The following OR2C3 variants were observed in gnomAD, a reference collection of about 807,000 sequenced individuals.
OR2C3 encodes olfactory receptor family 2 subfamily C member 3.
For missense variants in OR2C3, 425 were observed against 401.5 expected, an observed-to-expected ratio of 1.06 and a Z score of -0.50; for synonymous variants, 178 against 163.4, an observed-to-expected ratio of 1.09 and a Z score of -0.68.
At chr1:247,535,996 A>G (rs1667203368) in intron 1 of OR2C3, among the ~76,000 whole-genome samples, 172 bp downstream of exon 1, 3 of 152,234 alleles carry the variant, frequency 2.0e-5, no homozygotes, top group African/African-American at 7.2e-5. Flanking sequence ...ATCGCAGAAC[A>G]TAGGCAAGCT....
At position 247,536,417 on chromosome 1, in the gene OR2C3, G is replaced by A. The variant is rs1006412705; in HGVS notation, c.-651C>T. ...CATTATTAAGTATTTAAATCACAAT[G>A]GGATTGAACTAGCAGAAAGCACTTA... On this transcript the variant is annotated 5_prime_UTR_variant, in exon 1 of 3. Coordinates refer to ENST00000641802, the MANE Select transcript of OR2C3 (RefSeq NM_198074.6). The A allele has an allele frequency of 1.3e-5, 2 of 152,190 alleles. No homozygotes were observed. The highest frequency in any genetic ancestry group is 2.1e-4 in the South Asian group (1 of 4,830). 9.4% of individuals were successfully genotyped at this position (152,190 alleles called of 1,614,324 possible).
intron 1 of OR2C3, among the ~76,000 whole-genome samples, chr1:247,534,376 C>T (rs1398487189): frequency 6.6e-6 from 1 of 152,030 alleles, no homozygotes; most frequent in African/African-American, 2.4e-5. Flanking sequence ...AGAGGCAGGA[C>T]TAGAGTAATA....
chr1:247,532,450 C>G lies in OR2C3; in HGVS notation c.62G>C (p.Arg21Pro), dbSNP rs201316551. Residue 21 changes from arginine to proline, a missense_variant, in exon 3 of 3, where the codon CGA becomes CCA. Arg to Pro is a moderately radical substitution (Grantham distance 103). Transcript: ENST00000641802. ...EVFVLLGFST[R>P]PSLETVLFIV... ...GAAGAGGACAGTTTCTAGTGAGGGTCGTGTGGAGAAGCCCAGGAGGACAAA... is the reference window on the plus strand; with the variant it reads ...GAAGAGGACAGTTTCTAGTGAGGGTGGTGTGGAGAAGCCCAGGAGGACAAA... The G allele has an allele frequency of 2.5e-6, 4 of 1,613,792 alleles. No homozygotes were observed. Among genetic ancestry groups the G allele is most frequent in the Non-Finnish European group, 3.4e-6 (4 of 1,179,762 alleles).
chr1:247,526,725 AAG>A lies in OR2C3; in HGVS notation c.*4822_*4823del. On this transcript the variant is annotated 3_prime_UTR_variant, in exon 3 of 3. Transcript: ENST00000641802. The surrounding 1 kb of genome is among the most constrained non-coding windows in gnomAD (Gnocchi z 4.8). ...TGATCCAGGTTTTCTGTCCTGTGAG[AAG>A]CCATCAAAGCCTATGGTTGCTGCAA... is the stretch of plus-strand genomic sequence containing the variant. 2 of 356,124 alleles carry A rather than the reference AAG, an allele frequency of 5.6e-6. No homozygotes were observed. Among genetic ancestry groups the A allele is most frequent in the South Asian group, 2.2e-5 (1 of 45,730 alleles). 22.1% of individuals were successfully genotyped at this position (356,124 alleles called of 1,614,324 possible).
rs990628941 is a variant in OR2C3 at position 247,525,353 on chromosome 1, C to T, written c.*6196G>A. ...GTGAGGGCTAAGTCTCATAAGACAT[C>T]CCCGTTTCCAATACCAATTATAAGC... is the stretch of plus-strand genomic sequence containing the variant. On this transcript the variant is annotated 3_prime_UTR_variant, in exon 3 of 3. Coordinates refer to ENST00000641802, the MANE Select transcript of OR2C3 (RefSeq NM_198074.6). The T allele has an allele frequency of 1.3e-5, 2 of 152,204 alleles. No individual in the cohort carries two copies. The highest frequency in any genetic ancestry group is 4.8e-5 in the African/African-American group (2 of 41,454). The allele number at this position is 152,204 out of a possible 1,614,324, so 9.4% of individuals were successfully genotyped here.
At position 247,528,100 on chromosome 1, in the gene OR2C3, A is replaced by G. The variant is rs887275881; in HGVS notation, c.*3449T>C. ...CTAAACTGAGTAAAAAATGTCAGTA[A>G]CTTGATTTCCTACCTTCCTGACTCA... is the stretch of plus-strand genomic sequence containing the variant. On this transcript the variant is annotated 3_prime_UTR_variant, in exon 3 of 3. Coordinates refer to ENST00000641802, the MANE Select transcript of OR2C3 (RefSeq NM_198074.6). The G allele has an allele frequency of 6.6e-5, 10 of 151,950 alleles. No homozygotes were observed. Among genetic ancestry groups the G allele is most frequent in the African/African-American group, 2.4e-4 (10 of 41,340 alleles). The allele number at this position is 151,950 out of a possible 1,614,324, so 9.4% of individuals were successfully genotyped here. A position where few individuals can be genotyped will look rare whatever the true frequency, so the allele number is the denominator to read the frequency against.
At chr1:247,534,499 A>G (rs995030380) in intron 1 of OR2C3, among the ~76,000 whole-genome samples, 3 of 152,240 alleles carry the variant, frequency 2.0e-5, no homozygotes, top group African/African-American at 7.2e-5. Flanking sequence ...GCTTTTGTAC[A>G]GTTGGAATAA....
chr1:247,530,496 C>T lies in OR2C3; in HGVS notation c.*1053G>A, dbSNP rs771418848. 1 of 149,498 alleles carries T rather than the reference C, an allele frequency of 6.7e-6. No individual in the cohort carries two copies. The highest frequency in any genetic ancestry group is 2.2e-4 in the South Asian group (1 of 4,550). The allele number at this position is 149,498 out of a possible 1,614,324, so 9.3% of individuals were successfully genotyped here. A position where few individuals can be genotyped will look rare whatever the true frequency, so the allele number is the denominator to read the frequency against. ...TCCCTTTTCCCCTCCTTCCCTGAAC[C>T]AGTCCACAAACACCATGCCATCCCC... is the stretch of plus-strand genomic sequence containing the variant. On this transcript the variant is annotated 3_prime_UTR_variant, in exon 3 of 3. Coordinates refer to ENST00000641802, the MANE Select transcript of OR2C3 (RefSeq NM_198074.6).
In OR2C3 at chr1:247,530,251, A is replaced by T. The variant is rs1666865190; in HGVS notation, c.*1298T>A. ...CCCATGCCTTTGAATCATCAGGCAG[A>T]GAATGAGGTTACTCTATTGATAGAG... On this transcript the variant is annotated 3_prime_UTR_variant, in exon 3 of 3. Transcript: ENST00000641802. 1 of 152,212 alleles carries T rather than the reference A, an allele frequency of 6.6e-6. No homozygotes were observed. Among genetic ancestry groups the T allele is most frequent in the Non-Finnish European group, 1.5e-5 (1 of 68,040 alleles). 9.4% of individuals were successfully genotyped at this position (152,212 alleles called of 1,614,324 possible). A position where few individuals can be genotyped will look rare whatever the true frequency, so the allele number is the denominator to read the frequency against.
intron 1 of OR2C3, among the ~76,000 whole-genome samples, chr1:247,534,554 G>A (rs564377112): frequency 6.6e-6 from 1 of 152,312 alleles, no homozygotes; most frequent in East Asian, 1.9e-4. Flanking sequence ...TCAGAAACTG[G>A]ACAATTTCAG....
rs1281994498 is a variant in OR2C3 at position 247,529,579 on chromosome 1, T to G, written c.*1970A>C. 6.6e-6 allele frequency: 1 copy of G among 152,198 alleles called. No individual in the cohort carries two copies. Among genetic ancestry groups the G allele is most frequent in the East Asian group, 1.9e-4 (1 of 5,200 alleles). The allele number at this position is 152,198 out of a possible 1,614,324, so 9.4% of individuals were successfully genotyped here. ...ATGAGAGTGTCTCGTACATGATGCA[T>G]AATAATCCAGTTGAAGAATGTTGCT... On this transcript the variant is annotated 3_prime_UTR_variant, in exon 3 of 3. Coordinates refer to ENST00000641802, the MANE Select transcript of OR2C3 (RefSeq NM_198074.6).
chr1:247,532,585 A>G (rs1411947790), intron 2 of OR2C3, 45 bp from the exon 3 acceptor site: 5 of 1,341,274 alleles, frequency 3.7e-6, no homozygotes, highest in South Asian at 1.4e-5. Context: ...ACATGAAGCA[A>G]TTACATCAGT....
At position 247,525,010 on chromosome 1, in the gene OR2C3, T is replaced by A. The variant is rs576702812; in HGVS notation, c.*6539A>T. ...TAAGATTTGCAAGTAAAACTAAAGT[T>A]ACTAACAAAATCAAATGTTAGTGAA... is the stretch of plus-strand genomic sequence containing the variant. On this transcript the variant is annotated 3_prime_UTR_variant, in exon 3 of 3. Coordinates refer to ENST00000641802, the MANE Select transcript of OR2C3 (RefSeq NM_198074.6). 6.6e-5 allele frequency: 10 copies of A among 152,324 alleles called. No homozygotes were observed. In the South Asian group the frequency reaches 2.1e-3, roughly 32 times the overall value. The allele number at this position is 152,324 out of a possible 1,614,324, so 9.4% of individuals were successfully genotyped here.
chr1:247,533,074 A>G (rs1417924700), intron 2 of OR2C3, among the ~76,000 whole-genome samples: 1 of 152,126 alleles, frequency 6.6e-6, no homozygotes, highest in Admixed American at 6.5e-5. Context: ...AAATTCCACA[A>G]TCATCTGCAA....
rs868095284 is a variant in OR2C3, at chr1:247,531,959, T to C, written c.553A>G (p.Ile185Val). Residue 185 changes from isoleucine to valine, a missense_variant, in exon 3 of 3, where the codon ATT becomes GTT. Ile to Val is a conservative substitution (Grantham distance 29). Transcript: ENST00000641802. Reference sequence around the variant, plus strand: ...GTATCCACACAAGCCAGTTGCATAATGAGGGGCATCTCGCAAAAGAAGTGG... The same window carrying C: ...GTATCCACACAAGCCAGTTGCATAACGAGGGGCATCTCGCAAAAGAAGTGG... ...IDHFFCEMPL[I>V]MQLACVDTSL... is the part of the protein sequence containing the mutation. The C allele has an allele frequency of 9.3e-6, 15 of 1,613,976 alleles. No individual in the cohort carries two copies. The African/African-American group carries it at 1.6e-4, about 17-fold the overall frequency.
In OR2C3 at chr1:247,531,159, G is replaced by C; in HGVS notation, c.*390C>G. 1 of 203,944 alleles carries C rather than the reference G, an allele frequency of 4.9e-6. No individual in the cohort carries two copies. The highest frequency in any genetic ancestry group is 1.0e-5 in the Non-Finnish European group (1 of 99,952). 12.6% of individuals were successfully genotyped at this position (203,944 alleles called of 1,614,324 possible). Reference sequence around the variant, plus strand: ...CAGGCCTGAGGGCTGGGAGGGCTCCGGGGGCTCTGGGGAACAGGCCGGCTC... The same window carrying C: ...CAGGCCTGAGGGCTGGGAGGGCTCCCGGGGCTCTGGGGAACAGGCCGGCTC... On this transcript the variant is annotated 3_prime_UTR_variant, in exon 3 of 3. Coordinates refer to ENST00000641802, the MANE Select transcript of OR2C3 (RefSeq NM_198074.6).
chr1:247,532,329 G>T lies in OR2C3; in HGVS notation c.183C>A (p.Tyr61Ter), dbSNP rs755206315. The T allele has an allele frequency of 3.1e-6, 5 of 1,614,000 alleles. No homozygotes were observed. In the African/African-American group the frequency reaches 6.7e-5, roughly 22 times the overall value. ...GGAAGGGGAGGTTGGCAAGAAAGAA[G>T]TACATAGGTGTGTGGAGGTGCACAT... is the stretch of plus-strand genomic sequence containing the variant. ...HTDVHLHTPM[Y>*]FFLANLPFLD... The change falls in exon 3 of 3, where the codon TAC becomes TAA. Residue 61 changes from tyrosine to a stop codon, truncating the protein, a stop_gained. Coordinates refer to ENST00000641802, the MANE Select transcript of OR2C3 (RefSeq NM_198074.6). LOFTEE classifies it low-confidence loss of function (END_TRUNC).
Position 247,530,412 on chromosome 1 carries a change from A to G in OR2C3, c.*1137T>C, listed in dbSNP as rs1236627390. 3.3e-5 allele frequency: 5 copies of G among 152,136 alleles called. No homozygotes were observed. The highest frequency in any genetic ancestry group is 5.9e-5 in the Non-Finnish European group (4 of 68,032). 9.4% of individuals were successfully genotyped at this position (152,136 alleles called of 1,614,324 possible). On this transcript the variant is annotated 3_prime_UTR_variant, in exon 3 of 3. Transcript: ENST00000641802. Reference sequence around the variant, plus strand: ...TAAGTAAAACAAAATGCACAATCATAAGAAACAATGGTGAATCTCGCCTCA... The same window carrying G: ...TAAGTAAAACAAAATGCACAATCATGAGAAACAATGGTGAATCTCGCCTCA...
rs141481931 is a variant in OR2C3, at chr1:247,531,483, C to T, written c.*66G>A. 5.9e-6 allele frequency: 9 copies of T among 1,521,224 alleles called. No homozygotes were observed. The highest frequency in any genetic ancestry group is 2.3e-5 in the East Asian group (1 of 44,164). 94.2% of individuals were successfully genotyped at this position (1,521,224 alleles called of 1,614,324 possible). A position where few individuals can be genotyped will look rare whatever the true frequency, so the allele number is the denominator to read the frequency against. On this transcript the variant is annotated 3_prime_UTR_variant, in exon 3 of 3. Transcript: ENST00000641802. ...AGAAGAAAAACGACATCCCAAGTGC[C>T]CTGTCTTCCAAGGTCACTTTGCTCG...
Sources: allele counts gnomAD v4.1 joint callset (sites outside exome capture counted in the v4.1 genomes callset), GRCh38; gene constraint gnomAD v4.1.1; non-coding constraint Gnocchi (gnomAD v3.1); transcripts MANE v1.5; gene names NCBI Gene and HGNC (gene_info 2026-07-23, HGNC 2026-07-21).